The following UTP4 variants were observed in gnomAD, a reference collection of about 807,000 sequenced individuals.
UTP4 encodes the protein UTP4 small subunit processome component.
UTP4 carries 45 observed loss-of-function variants against 82.4 expected under a neutral mutation model. The ratio of observed to expected loss-of-function variants is 0.55; its 90% CI spans 0.43 to 0.70. The LOEUF is 0.70. UTP4 is among the 30% of genes least tolerant of loss of function. The pLI is 0.00. For missense variants in UTP4, 819 were observed against 858.3 expected (o/e 0.95, Z 0.57); for synonymous variants, 348 against 300.3 (o/e 1.16, Z -1.64).
At chr16:69,159,363 G>T (rs904166476) in intron 12 of UTP4, among the ~76,000 whole-genome samples, 1 of 152,046 alleles carries the variant, frequency 6.6e-6, no homozygotes, top group African/African-American at 2.4e-5. Flanking sequence ...TTACAGGTGT[G>T]AGCTACCACG....
chr16:69,146,483 C>T lies in UTP4; in HGVS notation c.738+3094C>T, dbSNP rs79641056. 0.011 allele frequency among the ~76,000 whole-genome samples: 1,706 copies of T among 152,328 alleles called. 109 individuals are homozygous for T. The East Asian group carries it at 0.19, about 17-fold the overall frequency. ...AGTATTTCATTCCTTACTAAGACTGCATAATATTTGTGTGTGTGTTCTGTT... is the reference window on the plus strand; with the variant it reads ...AGTATTTCATTCCTTACTAAGACTGTATAATATTTGTGTGTGTGTTCTGTT... On this transcript the variant is annotated intron_variant, in intron 6 of 16. Transcript: ENST00000314423.
intron 13 of UTP4, among the ~76,000 whole-genome samples, chr16:69,161,075 C>T (rs1963551620): frequency 6.6e-6 from 1 of 152,140 alleles, no homozygotes; most frequent in African/African-American, 2.4e-5. Context: ...CAGGTTCTTT[C>T]TGTATTTTCG....
chr16:69,164,442 A>G (rs1274010533), intron 14 of UTP4, among the ~76,000 whole-genome samples: 1 of 151,972 alleles, frequency 6.6e-6, no homozygotes, highest in Non-Finnish European at 1.5e-5. Context: ...TTGATAATAT[A>G]CAGTGTTCTG....
In UTP4 at chr16:69,150,824, C is replaced by G. The variant is rs898625633; in HGVS notation, c.922C>G (p.His308Asp). 1.2e-6 allele frequency: 2 copies of G among 1,613,928 alleles called. No homozygotes were observed. The highest frequency in any genetic ancestry group is 2.7e-5 in the African/African-American group (2 of 74,910). The change falls in exon 8 of 17, where the codon CAC (histidine) becomes GAC (aspartate). Residue 308 changes from histidine to aspartate, a missense_variant. Coordinates refer to ENST00000314423, the MANE Select transcript of UTP4 (RefSeq NM_032830.3). Reference protein sequence around the residue: ...TALISGGTDTHLVFRPLMEKV... With the variant: ...TALISGGTDTDLVFRPLMEKV... ...CCCTGCTTTCCCAGGCACTGACACC[C>G]ACTTAGTCTTTCGTCCTCTCATGGA...
At chr16:69,147,972 G>T (rs191668595) in intron 6 of UTP4, among the ~76,000 whole-genome samples, 2 of 151,762 alleles carry the variant, frequency 1.3e-5, no homozygotes, top group African/African-American at 2.4e-5. Flanking sequence ...TTTGTTTTTC[G>T]AGACGGAATC....
At chr16:69,164,175 C>T (rs371538258) in intron 14 of UTP4, among the ~76,000 whole-genome samples, 31 of 152,098 alleles carry the variant, frequency 2.0e-4, no homozygotes, top group African/African-American at 7.5e-4. Flanking sequence ...TGAGCCACCG[C>T]GCCCGGCTGA....
intron 12 of UTP4, 25 bp downstream of exon 12, chr16:69,157,265 G>A: frequency 1.2e-6 from 2 of 1,612,892 alleles, no homozygotes; most frequent in Non-Finnish European, 1.7e-6. Context: ...ACTGGCCATG[G>A]GGAGACTTGT....
At chr16:69,135,587 A>G (rs1171766836) in intron 2 of UTP4, among the ~76,000 whole-genome samples, 1 of 152,116 alleles carries the variant, frequency 6.6e-6, no homozygotes, top group Non-Finnish European at 1.5e-5. Context: ...GTGGTGTTGT[A>G]TGCCCATAGT....
At chr16:69,164,586 TTATATATATATATATATA>T (rs58927210) in intron 14 of UTP4, among the ~76,000 whole-genome samples, 6 of 132,520 alleles carry the variant, frequency 4.5e-5, no homozygotes, top group Non-Finnish European at 6.3e-5. Context: ...TAATCATTCT[TTATATATATATATATATA>T]TATATATATA....
Position 69,136,845 on chromosome 16 carries a change from T to C in UTP4, c.309T>C (p.Pro103=). The change falls in exon 3 of 17, where the codon CCT becomes CCC. Residue 103 remains proline (P), a synonymous_variant. Transcript: ENST00000314423. Reference sequence around the variant, plus strand: ...ATGCTATGGATGCCTTTGGAGGACCTATTTGGAGCATGGCTGCCAGCCCCA... The same window carrying C: ...ATGCTATGGATGCCTTTGGAGGACCCATTTGGAGCATGGCTGCCAGCCCCA... ...IKYAMDAFGG[P]IWSMAASPSG... is the part of the protein sequence containing the mutation. The C allele has an allele frequency of 8.7e-6, 14 of 1,614,202 alleles. No homozygotes were observed. Among genetic ancestry groups the C allele is most frequent in the Non-Finnish European group, 1.2e-5 (14 of 1,180,024 alleles).
rs1272986264 is a variant in UTP4, at chr16:69,160,337, A to G, written c.1445-19A>G. The G allele has an allele frequency of 3.1e-6, 5 of 1,592,900 alleles. No homozygotes were observed. Among genetic ancestry groups the G allele is most frequent in the Non-Finnish European group, 4.3e-6 (5 of 1,160,498 alleles). On this transcript the variant is annotated intron_variant, in intron 12 of 16. Transcript: ENST00000314423. The stretch of plus-strand genomic sequence containing the variant: ...GGACACTGTGTGAATTCAGAGATGT[A>G]ACTGTTTTGTCCTCACAGGAACAGT...
At chr16:69,140,864 C>T (rs1430202328) in intron 5 of UTP4, among the ~76,000 whole-genome samples, 1 of 152,168 alleles carries the variant, frequency 6.6e-6, no homozygotes, top group Non-Finnish European at 1.5e-5. Context: ...ACTTCTGCAA[C>T]TTGCCCCTCT....
chr16:69,149,475 G>A (rs1320189170), intron 6 of UTP4, among the ~76,000 whole-genome samples: 2 of 151,846 alleles, frequency 1.3e-5, no homozygotes, highest in Non-Finnish European at 2.9e-5. Flanking sequence ...TCTTGAACCC[G>A]GGACGGCAGA....
intron 15 of UTP4, 30 bp from the exon 16 acceptor site, chr16:69,167,045 C>T: frequency 6.8e-7 from 1 of 1,475,920 alleles, no homozygotes; most frequent in Non-Finnish European, 9.5e-7. Context: ...TAAAAGTAAC[C>T]ATTTAAACAA....
At position 69,144,344 on chromosome 16, in the gene UTP4, G is replaced by T. The variant is rs565228355; in HGVS notation, c.738+955G>T. 7.9e-5 allele frequency among the ~76,000 whole-genome samples: 12 copies of T among 151,838 alleles called. No individual in the cohort carries two copies. The South Asian group carries it at 2.5e-3, about 32-fold the overall frequency. On this transcript the variant is annotated intron_variant, in intron 6 of 16. Transcript: ENST00000314423. ...CTCCGAAGTAGGTGAGATTACAGGC[G>T]CCCGCCTCTGTGCCCAGCTAATTTT...
intron 3 of UTP4, 107 bp downstream of exon 3, chr16:69,136,994 A>G: frequency 1.1e-6 from 1 of 936,930 alleles, no homozygotes; most frequent in Non-Finnish European, 1.8e-6. Flanking sequence ...GCATGTGGCA[A>G]CCCCAACTAT....
chr16:69,134,702 C>CTTTTT (rs751705922), intron 2 of UTP4, among the ~76,000 whole-genome samples: 1 of 131,528 alleles, frequency 7.6e-6, no homozygotes, highest in Non-Finnish European at 1.6e-5. Flanking sequence ...TTTTCTTTTT[C>CTTTTT]TTTTTTTTTT....
At chr16:69,136,031 A>C (rs573617204) in intron 2 of UTP4, among the ~76,000 whole-genome samples, 1 of 152,192 alleles carries the variant, frequency 6.6e-6, no homozygotes, top group African/African-American at 2.4e-5. Flanking sequence ...CTCTGTCTCC[A>C]AAAAACAAAA....
intron 1 of UTP4, 83 bp from the exon 2 acceptor site, chr16:69,133,375 A>C: frequency 7.4e-7 from 1 of 1,360,380 alleles, no homozygotes; most frequent in East Asian, 2.3e-5. Context: ...TCCAGCCAGA[A>C]CAGTGATATT....
Sources: allele counts gnomAD v4.1 joint callset (sites outside exome capture counted in the v4.1 genomes callset), GRCh38; gene constraint gnomAD v4.1.1; transcripts MANE v1.5; gene names NCBI Gene and HGNC (gene_info 2026-07-23, HGNC 2026-07-21).